AFG2A: variants seen among roughly 807,000 people sequenced by gnomAD.
The protein encoded by AFG2A is ATPase family gene 2 protein homolog A.
the AFG2A span, among the ~76,000 whole-genome samples, chr4:123,132,956 A>T: frequency 6.6e-6 from 1 of 151,690 alleles, no homozygotes; most frequent in Non-Finnish European, 1.5e-5. Flanking sequence ...AATTTTTTGT[A>T]GTTTTAGTAG....
the AFG2A span, among the ~76,000 whole-genome samples, chr4:123,028,827 C>A: frequency 2.8e-4 from 43 of 152,212 alleles, no homozygotes; most frequent in Non-Finnish European, 5.1e-4. Flanking sequence ...AATACTTTTC[C>A]ATTCAGAAAG....
the AFG2A span, among the ~76,000 whole-genome samples, chr4:123,237,288 C>T: frequency 6.6e-6 from 1 of 152,150 alleles, no homozygotes; most frequent in African/African-American, 2.4e-5. Context: ...GAGGGGGGTA[C>T]AGTCCCTGCC....
At chr4:123,102,011 G>C in the AFG2A span, among the ~76,000 whole-genome samples, 3 of 151,830 alleles carry the variant, frequency 2.0e-5, no homozygotes, top group South Asian at 2.1e-4. Flanking sequence ...TTCTGTACCT[G>C]TGAAAAATGT....
At chr4:123,018,886 A>G in the AFG2A span, among the ~76,000 whole-genome samples, 1 of 151,782 alleles carries the variant, frequency 6.6e-6, no homozygotes, top group Non-Finnish European at 1.5e-5. Context: ...TTATTTGTGA[A>G]TTATTATCAT....
chr4:123,135,147 AG>A, the AFG2A span, among the ~76,000 whole-genome samples: 1 of 152,216 alleles, frequency 6.6e-6, no homozygotes, highest in African/African-American at 2.4e-5. Context: ...AACAGAATGA[AG>A]GACAAAAACT....
the AFG2A span, among the ~76,000 whole-genome samples, chr4:122,943,487 G>C: frequency 1.3e-5 from 2 of 152,142 alleles, no homozygotes; most frequent in East Asian, 3.9e-4. Flanking sequence ...CCATTTGCTT[G>C]GTAGATCTCC....
the AFG2A span, among the ~76,000 whole-genome samples, chr4:123,194,323 TA>T: frequency 6.6e-6 from 1 of 152,200 alleles, no homozygotes; most frequent in Non-Finnish European, 1.5e-5. Context: ...ATGAGCTTTT[TA>T]AAAAATTGCA....
chr4:123,260,338 C>T, the AFG2A span, among the ~76,000 whole-genome samples: 3 of 152,072 alleles, frequency 2.0e-5, no homozygotes, highest in Non-Finnish European at 4.4e-5. Flanking sequence ...ATCTGTCATG[C>T]CCTGAATTCT....
chr4:123,236,715 T>TG, the AFG2A span, among the ~76,000 whole-genome samples: 1 of 152,160 alleles, frequency 6.6e-6, no homozygotes, highest in Non-Finnish European at 1.5e-5. Flanking sequence ...TAAACTAACT[T>TG]GTACAAGCCA....
the AFG2A span, among the ~76,000 whole-genome samples, chr4:123,305,588 A>C: frequency 1.3e-5 from 2 of 152,232 alleles, no homozygotes; most frequent in African/African-American, 4.8e-5. Flanking sequence ...GAGTTAAAGC[A>C]CAGCGGGAAT....
At chr4:123,202,683 T>A in the AFG2A span, among the ~76,000 whole-genome samples, 2 of 152,200 alleles carry the variant, frequency 1.3e-5, no homozygotes, top group African/African-American at 2.4e-5. Context: ...GTGTGTGCAA[T>A]GCAATTTGAC....
chr4:123,259,059 G>A, the AFG2A span, among the ~76,000 whole-genome samples: 1 of 151,908 alleles, frequency 6.6e-6, no homozygotes, highest in East Asian at 1.9e-4. Flanking sequence ...TAGAGACAGG[G>A]TTTCACCACA....
chr4:123,077,638 T>A, the AFG2A span, among the ~76,000 whole-genome samples: 1 of 152,188 alleles, frequency 6.6e-6, no homozygotes, highest in Non-Finnish European at 1.5e-5. Context: ...ATCTGGTAGG[T>A]TGCATTACAG....
the AFG2A span, among the ~76,000 whole-genome samples, chr4:123,288,387 G>T: frequency 1.3e-5 from 2 of 149,494 alleles, no homozygotes; most frequent in Admixed American, 6.6e-5. Context: ...TAAATAGAAG[G>T]ATTGATCTTG....
the AFG2A span, among the ~76,000 whole-genome samples, chr4:123,003,744 CG>C: frequency 1.3e-5 from 2 of 152,018 alleles, no homozygotes; most frequent in Non-Finnish European, 2.9e-5. Context: ...TTGGGGTGCT[CG>C]GTGGTCAGGG....
At chr4:123,068,027 G>A in the AFG2A span, among the ~76,000 whole-genome samples, 2 of 152,280 alleles carry the variant, frequency 1.3e-5, no homozygotes, top group South Asian at 4.1e-4. Context: ...AAGGGGGCTT[G>A]ACTTTTGAAA....
the AFG2A span, among the ~76,000 whole-genome samples, chr4:123,120,289 A>T: frequency 7.6e-4 from 116 of 152,288 alleles, no homozygotes; most frequent in African/African-American, 2.5e-3. Flanking sequence ...AATTTCTGCC[A>T]TTATATTTTT....
chr4:123,296,023 G>A, the AFG2A span, among the ~76,000 whole-genome samples: 1 of 152,190 alleles, frequency 6.6e-6, no homozygotes, highest in South Asian at 2.1e-4. Flanking sequence ...CCCAGCTAAT[G>A]AATGAAGAAG....
At chr4:123,137,849 T>A in the AFG2A span, among the ~76,000 whole-genome samples, 1 of 152,230 alleles carries the variant, frequency 6.6e-6, no homozygotes, top group East Asian at 1.9e-4. Context: ...TTGTTTTGTG[T>A]GTTGCTCTAG....
Sources: allele counts gnomAD v4.1 joint callset (sites outside exome capture counted in the v4.1 genomes callset), GRCh38; gene constraint gnomAD v4.1.1; transcripts MANE v1.5; gene names NCBI Gene and HGNC (gene_info 2026-07-23, HGNC 2026-07-21).